The following GPHN variants were observed in gnomAD, a reference collection of about 807,000 sequenced individuals.
The protein encoded by GPHN is gephyrin.
GPHN carries 17 observed loss-of-function variants against 95.5 expected under a neutral mutation model. The ratio of observed to expected loss-of-function variants is 0.18; its 90% CI spans 0.12 to 0.27. The LOEUF (loss-of-function observed/expected upper bound fraction) is 0.27, where lower values mean the gene tolerates loss of function less well. GPHN is among the 10% of genes least tolerant of loss of function. The pLI, the probability that GPHN is intolerant of heterozygous loss-of-function variation, is 1.00. For synonymous variants in GPHN, 320 were observed against 322.5 expected, an observed-to-expected ratio of 0.99 and a Z score of 0.08; for missense variants, 660 against 978.1, an observed-to-expected ratio of 0.67 and a Z score of 4.34.
chr14:66,929,624 T>C (rs2066670269), intron 8 of GPHN, among the ~76,000 whole-genome samples: 1 of 152,164 alleles, frequency 6.6e-6, no homozygotes, highest in Non-Finnish European at 1.5e-5. Flanking sequence ...CTGATCTAAG[T>C]ATAGCTACTG....
At chr14:67,317,233 C>T in the GPHN span, among the ~76,000 whole-genome samples, 238 of 152,106 alleles carry the variant, frequency 1.6e-3, no homozygotes, top group African/African-American at 5.5e-3. Flanking sequence ...GAGACTGAGG[C>T]GGGAGGATCA....
At chr14:66,514,127 A>C (rs1047251593) in intron 1 of GPHN, among the ~76,000 whole-genome samples, 1 of 151,964 alleles carries the variant, frequency 6.6e-6, no homozygotes, top group African/African-American at 2.4e-5. Context: ...AAACATAATA[A>C]TTTTTTAAGT....
the GPHN span, among the ~76,000 whole-genome samples, chr14:67,456,713 G>A: frequency 6.6e-6 from 1 of 152,050 alleles, no homozygotes; most frequent in Non-Finnish European, 1.5e-5. Flanking sequence ...GTGGAAAGTA[G>A]TCTGACGATT....
At chr14:67,048,417 T>C (rs181419143) in intron 10 of GPHN, among the ~76,000 whole-genome samples, 2 of 152,348 alleles carry the variant, frequency 1.3e-5, no homozygotes, top group Admixed American at 6.5e-5. Context: ...GTTGTACTTA[T>C]GGAACTGTAG....
At chr14:67,234,137 C>T in the GPHN span, among the ~76,000 whole-genome samples, 1 of 152,182 alleles carries the variant, frequency 6.6e-6, no homozygotes, top group Non-Finnish European at 1.5e-5. Flanking sequence ...TTATTATACT[C>T]ATTTTATAAA....
the GPHN span, chr14:67,692,521 G>C: frequency 1.2e-6 from 2 of 1,613,432 alleles, no homozygotes; most frequent in East Asian, 2.2e-5. Context: ...CTGGTTCCCT[G>C]TCGTGGTCTG....
the GPHN span, among the ~76,000 whole-genome samples, chr14:67,725,707 G>T: frequency 2.0e-5 from 3 of 152,204 alleles, no homozygotes; most frequent in African/African-American, 7.2e-5. Context: ...GATTCCTAGT[G>T]CCCAGCAGAG....
intron 5 of GPHN, among the ~76,000 whole-genome samples, chr14:66,896,429 G>A (rs567238267): frequency 3.4e-4 from 51 of 152,002 alleles, no homozygotes; most frequent in African/African-American, 1.2e-3. Flanking sequence ...GACAAGCCTG[G>A]GCAATATGGC....
At chr14:67,045,846 C>T (rs2074990854) in intron 10 of GPHN, among the ~76,000 whole-genome samples, 1 of 152,014 alleles carries the variant, frequency 6.6e-6, no homozygotes, top group South Asian at 2.1e-4. Flanking sequence ...TCTCTCCTTT[C>T]CTCTCTTTCT....
chr14:67,716,959 C>T, the GPHN span, among the ~76,000 whole-genome samples: 1 of 151,744 alleles, frequency 6.6e-6, no homozygotes, highest in African/African-American at 2.4e-5. Flanking sequence ...TTTTACTATA[C>T]CAGTTTTATC....
intron 18 of GPHN, among the ~76,000 whole-genome samples, chr14:67,144,236 TAAAAA>T (rs1216565518): frequency 2.0e-4 from 11 of 54,100 alleles, no homozygotes; most frequent in South Asian, 7.3e-4. Context: ...GACCCTGTCT[TAAAAA>T]AAAAAAAAAA....
the GPHN span, among the ~76,000 whole-genome samples, chr14:67,394,743 T>C: frequency 6.6e-6 from 1 of 152,216 alleles, no homozygotes; most frequent in African/African-American, 2.4e-5. Flanking sequence ...GTGGCAATAT[T>C]GAGAGGTGAT....
At chr14:67,578,694 G>A in the GPHN span, 1 of 1,057,212 alleles carries the variant, frequency 9.5e-7, no homozygotes, top group Non-Finnish European at 1.4e-6. The surrounding 1 kb of genome is among the most constrained non-coding windows in gnomAD (Gnocchi z 5.0). Flanking sequence ...TGAATAAGAG[G>A]GATGAGAGGA....
At chr14:66,993,025 C>T (rs1441193395) in intron 9 of GPHN, among the ~76,000 whole-genome samples, 1 of 151,938 alleles carries the variant, frequency 6.6e-6, no homozygotes, top group Non-Finnish European at 1.5e-5. Context: ...GTTAGTGTGT[C>T]AAAATAACGT....
At chr14:67,481,822 G>A in the GPHN span, among the ~76,000 whole-genome samples, 1 of 152,280 alleles carries the variant, frequency 6.6e-6, no homozygotes, top group South Asian at 2.1e-4. Flanking sequence ...CCCTGGGAAA[G>A]CCTGCTGCAG....
the GPHN span, chr14:67,575,558 A>G: frequency 3.7e-6 from 3 of 820,262 alleles, no homozygotes; most frequent in African/African-American, 1.7e-5. Context: ...GAAAGTCCCT[A>G]CCCCACGTAA....
the GPHN span, among the ~76,000 whole-genome samples, chr14:67,527,594 G>T: frequency 2.0e-5 from 3 of 152,160 alleles, no homozygotes; most frequent in Non-Finnish European, 2.9e-5. Context: ...CTGTGTCCCC[G>T]GTGTGTTTTG....
At chr14:66,696,454 G>T (rs2068102679) in intron 2 of GPHN, among the ~76,000 whole-genome samples, 1 of 152,140 alleles carries the variant, frequency 6.6e-6, no homozygotes, top group South Asian at 2.1e-4. Flanking sequence ...TCTTGTTTTT[G>T]TGTGTGTGCC....
intron 4 of GPHN, among the ~76,000 whole-genome samples, chr14:66,825,358 C>T (rs944300453): frequency 1.3e-5 from 2 of 152,050 alleles, no homozygotes; most frequent in African/African-American, 4.8e-5. Flanking sequence ...CAAATCAGTA[C>T]ACTATTGTAT....
Sources: gnomAD v4.1 joint callset for allele counts (sites outside exome capture counted in the v4.1 genomes callset) on GRCh38, gnomAD v4.1.1 for gene constraint, Gnocchi (gnomAD v3.1) non-coding constraint, MANE v1.5 for transcripts, NCBI Gene and HGNC (gene_info 2026-07-23, HGNC 2026-07-21) for gene names.